The following DLG3 variants were observed in gnomAD, a reference collection of about 807,000 sequenced individuals.
The protein encoded by DLG3 is discs large MAGUK scaffold protein 3.
DLG3 carries 1 observed loss-of-function variant against 64.1 expected under a neutral mutation model. The ratio of observed to expected loss-of-function variants is 0.02; its 90% CI spans 0.01 to 0.07. The LOEUF (loss-of-function observed/expected upper bound fraction) is 0.07, where lower values mean the gene tolerates loss of function less well. Ranked by LOEUF, DLG3 falls within the 10% of genes least tolerant of loss-of-function variation. DLG3 has a pLI of 1.00. For missense variants in DLG3, 429 were observed against 669.5 expected (o/e 0.64, Z 3.96); for synonymous variants, 245 against 259.8 (o/e 0.94, Z 0.55).
At chrX:70,459,799 C>G (rs2086771354) in intron 9 of DLG3, among the ~76,000 whole-genome samples, 1 of 111,508 alleles carries the variant, frequency 9.0e-6, no homozygotes, top group Non-Finnish European at 1.9e-5. Context: ...GGTTGAGTGA[C>G]TTGCTCAGGG....
intron 1 of DLG3, among the ~76,000 whole-genome samples, chrX:70,447,850 G>A (rs1018857144): frequency 1.1e-4 from 12 of 111,600 alleles, no homozygotes; most frequent in Non-Finnish European, 1.9e-4. Context: ...CATCTCTGTG[G>A]GTTGGCCAAA....
intron 17 of DLG3, 120 bp downstream of exon 17, chrX:70,500,700 C>A: frequency 1.4e-6 from 1 of 707,548 alleles, no homozygotes; most frequent in South Asian, 2.3e-5. Flanking sequence ...CAGCTCTGGT[C>A]ACTGGGCGCT....
chrX:70,454,185 G>A (rs2086661522), intron 8 of DLG3, 29 bp from the exon 9 acceptor site: 2 of 1,185,869 alleles, frequency 1.7e-6, no homozygotes, highest in Non-Finnish European at 2.3e-6. Flanking sequence ...TTGCTTTTGG[G>A]GTGGCTCACA....
rs982660834 is a variant in DLG3 at position 70,445,327 on chromosome X, T to A, written c.126T>A (p.Gly42=). 11 of 1,166,703 alleles carry A rather than the reference T, an allele frequency of 9.4e-6. No individual in the cohort carries two copies. In the African/African-American group the frequency reaches 1.8e-4, roughly 19 times the overall value. ...DWQVPDPYGP[G]GGNGASAGYG... ...AAGTCCCCGACCCTTACGGGCCAGG[T>A]GGGGGCAACGGCGCCAGCGCGGGTT... The change falls in exon 1 of 19, where the codon GGT becomes GGA. Residue 42 remains glycine (G), a synonymous_variant. Transcript: ENST00000374360.
At position 70,504,251 on chromosome X, in the gene DLG3, G is replaced by C. The variant is rs1400744439; in HGVS notation, c.*1982G>C. 1 of 112,018 alleles carries C rather than the reference G, an allele frequency of 8.9e-6. No homozygotes were observed. 9.2% of individuals were successfully genotyped at this position (112,018 alleles called of 1,213,427 possible). A position where few individuals can be genotyped will look rare whatever the true frequency, so the allele number is the denominator to read the frequency against. ...AGTGGCAAAGTCTCAACCGTGCTCA[G>C]CCCTCCCCCTCCCAGGGAAGAGAAA... On this transcript the variant is annotated 3_prime_UTR_variant, in exon 19 of 19. Coordinates refer to ENST00000374360, the MANE Select transcript of DLG3 (RefSeq NM_021120.4).
chrX:70,468,909 T>G (rs1569280032), intron 9 of DLG3, among the ~76,000 whole-genome samples: 1 of 111,747 alleles, frequency 8.9e-6, no homozygotes, highest in African/African-American at 3.3e-5. Context: ...ATCATAATGA[T>G]GTCATAATTA....
intron 17 of DLG3, 73 bp from the exon 18 acceptor site, chrX:70,500,825 C>A: frequency 9.8e-7 from 1 of 1,019,154 alleles, no homozygotes; most frequent in Non-Finnish European, 1.4e-6. Context: ...TTTTAGGGAT[C>A]CTGGAATAAT....
chrX:70,483,408 G>T (rs1318969087), intron 10 of DLG3, among the ~76,000 whole-genome samples: 1 of 113,275 alleles, frequency 8.8e-6, no homozygotes, highest in Non-Finnish European at 1.9e-5. Flanking sequence ...AGCGGGTATG[G>T]TCCCTGCCCT....
chrX:70,459,319 C>G (rs1432532314), intron 9 of DLG3, among the ~76,000 whole-genome samples: 1 of 112,427 alleles, frequency 8.9e-6, no homozygotes, highest in Non-Finnish European at 1.9e-5. Flanking sequence ...ATGGAAACAC[C>G]TTTGGGTAAG....
chrX:70,451,505 C>T (rs867812913), intron 6 of DLG3, among the ~76,000 whole-genome samples: 3 of 111,706 alleles, frequency 2.7e-5, no homozygotes, highest in African/African-American at 9.8e-5. Flanking sequence ...TGCTGCCTTC[C>T]TCATAGGACT....
chrX:70,500,544 C>G lies in DLG3; in HGVS notation c.2219C>G (p.Ala740Gly), dbSNP rs748982676. 18 of 1,209,338 alleles carry G rather than the reference C, an allele frequency of 1.5e-5. No individual in the cohort carries two copies. Among genetic ancestry groups the G allele is most frequent in the Non-Finnish European group, 2.0e-5 (18 of 893,477 alleles). ...CAGCAAGCACAACTTTACCCCATTG[C>G]CATTTTCATCAAGCCCAAGTCCATT... ...RLQQAQLYPIAIFIKPKSIEA... is the reference protein window; with the variant it reads ...RLQQAQLYPIGIFIKPKSIEA... Residue 740 changes from alanine (A) to glycine (G), a missense_variant, in exon 17 of 19, where the codon GCC becomes GGC. Physicochemically the swap from Ala to Gly is moderately conservative, Grantham distance 60 (BLOSUM62 0). Transcript: ENST00000374360.
intron 9 of DLG3, among the ~76,000 whole-genome samples, chrX:70,462,744 G>A (rs913395335): frequency 8.9e-6 from 1 of 111,931 alleles, no homozygotes. Flanking sequence ...GGTGATATAT[G>A]CTTAGGAGTA....
intron 16 of DLG3, 37 bp downstream of exon 16, chrX:70,500,086 A>G: frequency 1.8e-6 from 2 of 1,139,534 alleles, no homozygotes; most frequent in Non-Finnish European, 2.4e-6. Context: ...GGGGAGGCCA[A>G]TGCTTATGCC....
intron 10 of DLG3, among the ~76,000 whole-genome samples, chrX:70,483,694 G>C (rs1212678717): frequency 8.9e-6 from 1 of 112,667 alleles, no homozygotes; most frequent in Non-Finnish European, 1.9e-5. Flanking sequence ...AACCACAGGG[G>C]ACGTGGGGTT....
intron 12 of DLG3, among the ~76,000 whole-genome samples, chrX:70,493,927 GAA>G (rs2087406810): frequency 1.8e-5 from 2 of 112,651 alleles, no homozygotes; most frequent in Admixed American, 1.9e-4. Flanking sequence ...TATGTCAAGA[GAA>G]GAGCCTTTTC....
At chrX:70,461,782 A>G (rs1219455947) in intron 9 of DLG3, among the ~76,000 whole-genome samples, 1 of 108,854 alleles carries the variant, frequency 9.2e-6, no homozygotes, top group Non-Finnish European at 1.9e-5. Flanking sequence ...CTGGTCTTGA[A>G]CTCCTGACCT....
chrX:70,492,472 T>G, intron 11 of DLG3, 49 bp from the exon 12 acceptor site: 1 of 1,180,393 alleles, frequency 8.5e-7, no homozygotes. Context: ...AACCCACTGC[T>G]GAGACCATTT....
chrX:70,467,440 G>A lies in DLG3; in HGVS notation c.1406-11710G>A, dbSNP rs748116225. On this transcript the variant is annotated intron_variant, in intron 9 of 18. Transcript: ENST00000374360. ...TTAATATTTTACTTTTGGATTATCA[G>A]TTACTGAAAAATGACCATAGGTGTT... Among the ~76,000 whole-genome samples, 4 of 112,016 alleles carry A rather than the reference G, an allele frequency of 3.6e-5. No individual in the cohort carries two copies. The East Asian group carries it at 1.1e-3, about 31-fold the overall frequency.
intron 9 of DLG3, among the ~76,000 whole-genome samples, chrX:70,470,844 C>T (rs1271685102): frequency 9.0e-6 from 1 of 111,488 alleles, no homozygotes; most frequent in Non-Finnish European, 1.9e-5. Flanking sequence ...ACTTGGAAGC[C>T]TGGGTGTGTG....
Sources: allele counts gnomAD v4.1 joint callset (sites outside exome capture counted in the v4.1 genomes callset), GRCh38; gene constraint gnomAD v4.1.1; transcripts MANE v1.5; gene names NCBI Gene and HGNC (gene_info 2026-07-23, HGNC 2026-07-21).